TPM4: variants seen among roughly 807,000 people sequenced by gnomAD.
The protein encoded by TPM4 is tropomyosin 4.
A neutral mutation model predicts 35.8 loss-of-function variants in TPM4; 17 were observed. That is an observed-to-expected ratio of 0.47 (90% CI 0.32 to 0.71). The LOEUF (loss-of-function observed/expected upper bound fraction) is 0.71. Among genes scored for constraint, TPM4 ranks in the 30% least tolerant of loss-of-function variants. The pLI, the probability that TPM4 is intolerant of heterozygous loss-of-function variation, is 0.03. For missense variants in TPM4, 240 were observed against 320.9 expected (o/e 0.75, Z 1.93); for synonymous variants, 120 against 122.9 (o/e 0.98, Z 0.15).
upstream of TPM4, chr19:16,076,191 G>T: frequency 6.4e-7 from 1 of 1,552,642 alleles, no homozygotes; most frequent in Middle Eastern, 1.7e-4. Context: ...GCAGGGATGC[G>T]GGAGCCCGCG....
intron 3 of TPM4, among the ~76,000 whole-genome samples, chr19:16,087,427 A>C (rs1352394336): frequency 6.6e-6 from 1 of 152,026 alleles, no homozygotes; most frequent in Non-Finnish European, 1.5e-5. Flanking sequence ...AAATACAAAA[A>C]TTAGCCGGGC....
At chr19:16,076,999 G>T (rs956066029) in intron 1 of TPM4, 10 of 368,112 alleles carry the variant, frequency 2.7e-5, no homozygotes, top group African/African-American at 1.9e-4. Context: ...TGGAGAAGTG[G>T]AGCGGCGGGA....
At chr19:16,093,952 C>CT (rs35095689) in intron 7 of TPM4, among the ~76,000 whole-genome samples, 199 bp downstream of exon 7, 26,656 of 108,780 alleles carry the variant, frequency 0.25, 4,460 homozygotes, top group East Asian at 0.46. Flanking sequence ...TTGAATGGCC[C>CT]TTTTTTTTTT....
Position 16,097,185 on chromosome 19 carries a change from C to G in TPM4, c.664+3432C>G, listed in dbSNP as rs144554759. Among the ~76,000 whole-genome samples, 401 of 151,898 alleles carry G rather than the reference C, an allele frequency of 2.6e-3. 2 individuals carry two copies. Among genetic ancestry groups the G allele is most frequent in the African/African-American group, 9.2e-3 (380 of 41,468 alleles). On this transcript the variant is annotated intron_variant, in intron 7 of 7. Transcript: ENST00000643579. Reference sequence around the variant, plus strand: ...GCTAGGCTGGTCTGAAACTCCTGGCCTCAACTGATCCGCCCACCTCAGCTT... The same window carrying G: ...GCTAGGCTGGTCTGAAACTCCTGGCGTCAACTGATCCGCCCACCTCAGCTT...
At chr19:16,082,636 A>C (rs570483810) in intron 2 of TPM4, among the ~76,000 whole-genome samples, 15 of 152,298 alleles carry the variant, frequency 9.8e-5, no homozygotes, top group Admixed American at 2.0e-4. Context: ...GTCAGTTTGC[A>C]AAGCACTGCT....
At chr19:16,073,101 C>T (rs969322653), upstream of TPM4, among the ~76,000 whole-genome samples, 3 of 151,396 alleles carry the variant, frequency 2.0e-5, no homozygotes, top group African/African-American at 7.3e-5. Context: ...CCCAGCTACT[C>T]GGGAGGCTGA....
chr19:16,090,451 A>T (rs552433180), intron 5 of TPM4, among the ~76,000 whole-genome samples: 2 of 148,388 alleles, frequency 1.3e-5, no homozygotes, highest in African/African-American at 5.0e-5. Context: ...ACAAGGTTTC[A>T]TCATGTTGGC....
At chr19:16,075,938 C>T (rs1302318621), upstream of TPM4, 3 of 1,435,812 alleles carry the variant, frequency 2.1e-6, no homozygotes, top group African/African-American at 2.9e-5. Context: ...GAAACTGATG[C>T]CCAGAGAGAG....
upstream of TPM4, among the ~76,000 whole-genome samples, chr19:16,072,170 G>A (rs539500411): frequency 2.6e-4 from 39 of 152,328 alleles, no homozygotes; most frequent in Non-Finnish European, 5.1e-4. Context: ...TTGGGGTTGT[G>A]TCTTCGATTC....
chr19:16,071,231 T>G (rs918982794), intron 2 of TPM4, among the ~76,000 whole-genome samples: 1 of 152,222 alleles, frequency 6.6e-6, no homozygotes, highest in Non-Finnish European at 1.5e-5. Context: ...GGTCTCACTC[T>G]GTTGCCCAGG....
chr19:16,074,303 A>G (rs1409359798), upstream of TPM4: 3 of 152,214 alleles, frequency 2.0e-5, no homozygotes, highest in African/African-American at 7.2e-5. Context: ...AGCTTCAGTA[A>G]TAGACATTTA....
chr19:16,073,960 A>AAAAAAAAAC (rs1568298129), upstream of TPM4, among the ~76,000 whole-genome samples: 1 of 105,922 alleles, frequency 9.4e-6, no homozygotes, highest in Non-Finnish European at 1.9e-5. Flanking sequence ...AAAAAAAAAA[A>AAAAAAAAAC]CGCAAAAAAA....
At chr19:16,076,012 C>CA (rs2090400276), upstream of TPM4, 1 of 1,591,690 alleles carries the variant, frequency 6.3e-7, no homozygotes, top group South Asian at 1.1e-5. Context: ...GACCCCCCCC[C>CA]CAGGCTGACC....
chr19:16,068,935 G>A (rs1227103287), intron 2 of TPM4, among the ~76,000 whole-genome samples: 1 of 152,196 alleles, frequency 6.6e-6, no homozygotes, highest in African/African-American at 2.4e-5. Flanking sequence ...GGGACGCTGC[G>A]TGCGGCTGTT....
chr19:16,076,019 G>T, upstream of TPM4: 2 of 1,513,502 alleles, frequency 1.3e-6, no homozygotes, highest in South Asian at 1.2e-5. Context: ...CCCCCAGGCT[G>T]ACCCGTTCCT....
intron 5 of TPM4, among the ~76,000 whole-genome samples, chr19:16,090,690 A>G (rs747436582): frequency 6.6e-6 from 1 of 152,108 alleles, no homozygotes; most frequent in Non-Finnish European, 1.5e-5. Flanking sequence ...TACATTTATT[A>G]TAGTTACTCC....
rs752151981 is a variant in TPM4 at position 16,067,933 on chromosome 19, C to T, written c.114+195C>T. 8 of 541,736 alleles carry T rather than the reference C, an allele frequency of 1.5e-5. No homozygotes were observed. The highest frequency in any genetic ancestry group is 6.0e-5 in the African/African-American group (3 of 50,346). 33.6% of individuals were successfully genotyped at this position (541,736 alleles called of 1,614,324 possible). Reference sequence around the variant, plus strand: ...GGCTGGAAGAGGGGTGACGATCGGACCCACCCCCAGCAGGGCCAGTGCGAA... The same window carrying T: ...GGCTGGAAGAGGGGTGACGATCGGATCCACCCCCAGCAGGGCCAGTGCGAA... On this transcript the variant is annotated intron_variant, in intron 2 of 2. Coordinates refer to the TPM4 transcript ENST00000589897. The surrounding 1 kb of genome is among the most constrained non-coding windows in gnomAD (Gnocchi z 4.1).
In TPM4 at chr19:16,101,179, G is replaced by GA. The variant is rs71334603; in HGVS notation, c.665-76dup. On this transcript the variant is annotated intron_variant, in intron 7 of 7. Transcript: ENST00000643579. Reference sequence around the variant, plus strand: ...GAATGAGACCCTGTCTCAAGAAGAAGAAAAAAAAACAAATCTTTTTTTTTC... The same window carrying GA: ...GAATGAGACCCTGTCTCAAGAAGAAGAAAAAAAAAACAAATCTTTTTTTTTC... 5.7e-3 allele frequency: 6,347 copies of GA among 1,120,458 alleles called. 1 individual carries two copies. Among genetic ancestry groups the GA allele is most frequent in the Non-Finnish European group, 6.1e-3 (4,984 of 810,556 alleles). 69.4% of individuals were successfully genotyped at this position (1,120,458 alleles called of 1,614,324 possible).
upstream of TPM4, chr19:16,075,744 T>C (rs944588048): frequency 6.8e-6 from 2 of 295,098 alleles, no homozygotes; most frequent in African/African-American, 4.5e-5. Context: ...AATGTGTGTA[T>C]TTCTGGAAAA....
Sources: allele counts gnomAD v4.1 joint callset (sites outside exome capture counted in the v4.1 genomes callset), GRCh38; gene constraint gnomAD v4.1.1; non-coding constraint Gnocchi (gnomAD v3.1); transcripts MANE v1.5; gene names NCBI Gene and HGNC (gene_info 2026-07-23, HGNC 2026-07-21).